Variants in C8orf34 observed in about 807,000 individuals in gnomAD.
C8orf34 encodes uncharacterized protein C8orf34.
Under a neutral mutation model 68.3 loss-of-function variants are expected in C8orf34, and 65 were observed. The observed-to-expected ratio is 0.95, with a 90% confidence interval of 0.78 to 1.17. The LOEUF is 1.17. C8orf34 is among the 50% of genes most tolerant of loss of function. C8orf34 has a pLI of 0.00. For missense variants in C8orf34, 664 were observed against 655.4 expected (o/e 1.01, Z -0.14); for synonymous variants, 244 against 241.2 (o/e 1.01, Z -0.11).
chr8:68,729,751 T>C lies in C8orf34; in HGVS notation c.1404+8314T>C, dbSNP rs955729228. Among the ~76,000 whole-genome samples, 5 of 152,210 alleles carry C rather than the reference T, an allele frequency of 3.3e-5. No individual in the cohort carries two copies. In the South Asian group the frequency reaches 1.0e-3, roughly 31 times the overall value. On this transcript the variant is annotated intron_variant, in intron 10 of 13. Coordinates refer to ENST00000518698, the MANE Select transcript of C8orf34 (RefSeq NM_052958.4). ...GAGGAATAGTTCTTTAGTGGACCTT[T>C]ACATTATGTATTTACCTATACATAT...
intron 8 of C8orf34, among the ~76,000 whole-genome samples, chr8:68,664,508 A>T (rs1166131626): frequency 2.6e-5 from 4 of 152,184 alleles, no homozygotes; most frequent in African/African-American, 9.7e-5. Context: ...AGTATTCAAT[A>T]AATTGGGTGA....
chr8:68,440,963 C>A (rs1810880190), intron 2 of C8orf34, among the ~76,000 whole-genome samples: 1 of 152,086 alleles, frequency 6.6e-6, no homozygotes, highest in African/African-American at 2.4e-5. Context: ...CGCCACCATA[C>A]CCAGCTAGTT....
intron 10 of C8orf34, among the ~76,000 whole-genome samples, chr8:68,731,900 G>A (rs1238818401): frequency 6.6e-6 from 1 of 152,240 alleles, no homozygotes; most frequent in African/African-American, 2.4e-5. Context: ...CTGATCATTG[G>A]GATTGGTGAC....
chr8:68,435,837 G>GTATGA (rs1420121606), intron 1 of C8orf34, among the ~76,000 whole-genome samples: 12 of 152,126 alleles, frequency 7.9e-5, no homozygotes, highest in African/African-American at 2.4e-4. Flanking sequence ...CATGGCAACC[G>GTATGA]TATGATGTAG....
intron 4 of C8orf34, among the ~76,000 whole-genome samples, chr8:68,481,394 C>T (rs1177308326): frequency 6.6e-6 from 1 of 152,180 alleles, no homozygotes; most frequent in East Asian, 1.9e-4. Flanking sequence ...GGGTCAGAGC[C>T]CCCACACTGA....
At chr8:68,424,115 TC>T (rs1165605229) in intron 1 of C8orf34, among the ~76,000 whole-genome samples, 1 of 151,620 alleles carries the variant, frequency 6.6e-6, no homozygotes, top group Non-Finnish European at 1.5e-5. Flanking sequence ...GCTTCTTCCC[TC>T]CCCCCTGCCC....
At chr8:68,372,686 T>C (rs1191660318) in intron 1 of C8orf34, among the ~76,000 whole-genome samples, 1 of 152,180 alleles carries the variant, frequency 6.6e-6, no homozygotes, top group African/African-American at 2.4e-5. Context: ...CGTGCTGTGG[T>C]GGTTTGCTGC....
intron 7 of C8orf34, among the ~76,000 whole-genome samples, chr8:68,559,723 A>T (rs1033970373): frequency 6.6e-6 from 1 of 152,216 alleles, no homozygotes; most frequent in Admixed American, 6.5e-5. Flanking sequence ...TGTAGGTATG[A>T]AATTAGCATG....
intron 7 of C8orf34, among the ~76,000 whole-genome samples, chr8:68,546,746 C>G (rs1020728503): frequency 6.6e-6 from 1 of 151,658 alleles, no homozygotes; most frequent in Non-Finnish European, 1.5e-5. Context: ...ACTTTCTGTA[C>G]TTTTATAACA....
chr8:68,499,951 T>G (rs1207472996), intron 5 of C8orf34, among the ~76,000 whole-genome samples: 2 of 152,140 alleles, frequency 1.3e-5, no homozygotes, highest in African/African-American at 4.8e-5. Context: ...ATGTTAGTTC[T>G]TGTTCAGTTA....
intron 1 of C8orf34, among the ~76,000 whole-genome samples, chr8:68,334,383 T>G: frequency 6.6e-6 from 1 of 151,718 alleles, no homozygotes; most frequent in East Asian, 1.9e-4. Flanking sequence ...AACTTTCTAA[T>G]TTTTGTAAGA....
At chr8:68,354,138 A>C (rs1198389814) in intron 1 of C8orf34, among the ~76,000 whole-genome samples, 1 of 152,070 alleles carries the variant, frequency 6.6e-6, no homozygotes, top group Non-Finnish European at 1.5e-5. Flanking sequence ...AAATTATTTC[A>C]ATGTTTTATA....
intron 7 of C8orf34, among the ~76,000 whole-genome samples, chr8:68,610,627 C>A (rs938297415): frequency 6.6e-6 from 1 of 152,072 alleles, no homozygotes; most frequent in African/African-American, 2.4e-5. Context: ...AGTGCAGCCA[C>A]TAAGCCAGAG....
chr8:68,743,272 GT>G (rs113179915), intron 10 of C8orf34, among the ~76,000 whole-genome samples: 2 of 152,266 alleles, frequency 1.3e-5, no homozygotes, highest in South Asian at 2.1e-4. Flanking sequence ...GGAATAGCAT[GT>G]TTTTTTATTT....
At chr8:68,708,300 T>C (rs896999116) in intron 8 of C8orf34, among the ~76,000 whole-genome samples, 1 of 152,150 alleles carries the variant, frequency 6.6e-6, no homozygotes, top group Non-Finnish European at 1.5e-5. Flanking sequence ...TTTGTAGAAG[T>C]CAAAAAGCAA....
chr8:68,627,885 T>G (rs1380654334), intron 7 of C8orf34, among the ~76,000 whole-genome samples: 2 of 152,142 alleles, frequency 1.3e-5, no homozygotes, highest in Non-Finnish European at 2.9e-5. Context: ...GATGGTTACA[T>G]TCAAAGAAAT....
chr8:68,340,773 G>A (rs1442122803), intron 1 of C8orf34, among the ~76,000 whole-genome samples: 2 of 152,024 alleles, frequency 1.3e-5, no homozygotes, highest in Non-Finnish European at 2.9e-5. Context: ...CAGAAGAGGA[G>A]GAAATACTTC....
chr8:68,609,348 C>T (rs1192918439), intron 7 of C8orf34, among the ~76,000 whole-genome samples: 2 of 151,928 alleles, frequency 1.3e-5, no homozygotes, highest in Admixed American at 6.6e-5. Flanking sequence ...CTAGTATGCA[C>T]GTGATAGTTG....
chr8:68,500,166 C>T (rs947064282), intron 5 of C8orf34, among the ~76,000 whole-genome samples: 8 of 152,140 alleles, frequency 5.3e-5, no homozygotes, highest in Non-Finnish European at 1.2e-4. Context: ...AAATAAATTA[C>T]CTAGACTCAG....
Sources: allele counts gnomAD v4.1 joint callset (sites outside exome capture counted in the v4.1 genomes callset), GRCh38; gene constraint gnomAD v4.1.1; transcripts MANE v1.5; gene names NCBI Gene and HGNC (gene_info 2026-07-23, HGNC 2026-07-21).